The following ACOX3 variants were observed in gnomAD, a reference collection of about 807,000 sequenced individuals.
ACOX3 encodes acyl-CoA oxidase 3, pristanoyl, also known as peroxisomal acyl-coenzyme A oxidase 3.
A neutral mutation model predicts 81.5 loss-of-function variants in ACOX3; 73 were observed. That is an observed-to-expected ratio of 0.90 (90% CI 0.74 to 1.09). The LOEUF (loss-of-function observed/expected upper bound fraction) is 1.09, where lower values mean the gene tolerates loss of function less well. ACOX3 is among the 50% of genes least tolerant of loss of function. The pLI is 0.00. For missense variants in ACOX3, 947 were observed against 928.0 expected (o/e 1.02, Z -0.27); for synonymous variants, 387 against 375.1 (o/e 1.03, Z -0.37).
At chr4:8,403,534 C>T (rs970806916) in intron 7 of ACOX3, among the ~76,000 whole-genome samples, 5 of 152,304 alleles carry the variant, frequency 3.3e-5, no homozygotes, top group Admixed American at 2.6e-4. Context: ...CAGAGAGACA[C>T]GGTGGAAAGG....
intron 11 of ACOX3, 100 bp downstream of exon 11, chr4:8,392,233 G>T: frequency 7.6e-7 from 1 of 1,323,108 alleles, no homozygotes; most frequent in Non-Finnish European, 9.8e-7. Context: ...CAGGTGGCAG[G>T]CTGGATTTGG....
chr4:8,403,566 G>A (rs1438802493), intron 7 of ACOX3, among the ~76,000 whole-genome samples: 1 of 152,200 alleles, frequency 6.6e-6, no homozygotes, highest in Non-Finnish European at 1.5e-5. Flanking sequence ...CAGTGACCTG[G>A]CTTGGTGGAG....
intron 14 of ACOX3, among the ~76,000 whole-genome samples, chr4:8,375,417 G>A (rs190984514): frequency 1.3e-5 from 2 of 152,336 alleles, no homozygotes; most frequent in African/African-American, 2.4e-5. Flanking sequence ...CTCAGCTCCC[G>A]TCTGGGACTG....
At chr4:8,373,414 G>A in intron 16 of ACOX3, 147 bp downstream of exon 16, 7 of 795,682 alleles carry the variant, frequency 8.8e-6, no homozygotes, top group South Asian at 3.3e-5. Context: ...GGTGCGTGTA[G>A]GCTCTGGGTG....
intron 1 of ACOX3, among the ~76,000 whole-genome samples, chr4:8,422,578 T>C (rs1319512328): frequency 6.6e-6 from 1 of 152,246 alleles, no homozygotes; most frequent in Non-Finnish European, 1.5e-5. Context: ...CATTTGCCAC[T>C]ATAGGAATAT....
rs1021961447 is a variant in ACOX3, at chr4:8,384,810, C to T, written c.1538-3203G>A. ...GAAAGCAAGGCCTGGACAGCGGCCC[C>T]AACTCCTCAGCCAGATCACAGGCCC... On this transcript the variant is annotated intron_variant, in intron 13 of 17. Coordinates refer to ENST00000356406, the MANE Select transcript of ACOX3 (RefSeq NM_003501.3). The surrounding 1 kb of genome is among the most constrained non-coding windows in gnomAD (Gnocchi z 5.3). Among the ~76,000 whole-genome samples the T allele has an allele frequency of 6.6e-6, 1 of 152,198 alleles. No individual in the cohort carries two copies. Among genetic ancestry groups the T allele is most frequent in the African/African-American group, 2.4e-5 (1 of 41,446 alleles).
At position 8,416,583 on chromosome 4, in the gene ACOX3, CAAA is replaced by C. The variant is rs1486220633; in HGVS notation, c.-14-51_-14-49del. ...ATCCATGCTCTCCCATCTATGGGTT[CAAA>C]CTACCCCCACCAACAGGAGAGCCCG... On this transcript the variant is annotated intron_variant, in intron 1 of 17. Transcript: ENST00000356406. This position sits in a 1 kb window ranked among gnomAD's most constrained non-coding sequence, Gnocchi z 4.2. 17 of 1,503,930 alleles carry C rather than the reference CAAA, an allele frequency of 1.1e-5. No homozygotes were observed. Among genetic ancestry groups the C allele is most frequent in the Non-Finnish European group, 1.3e-5 (15 of 1,128,424 alleles). 93.2% of individuals were successfully genotyped at this position (1,503,930 alleles called of 1,614,324 possible). A position where few individuals can be genotyped will look rare whatever the true frequency, so the allele number is the denominator to read the frequency against.
intron 14 of ACOX3, among the ~76,000 whole-genome samples, chr4:8,378,411 C>T (rs1485921898): frequency 3.9e-5 from 6 of 152,196 alleles, no homozygotes; most frequent in Non-Finnish European, 8.8e-5. Flanking sequence ...CAAATGTCCT[C>T]GTCCTTGTCC....
rs867489157 is a variant in ACOX3 at position 8,419,565 on chromosome 4, G to A, written c.-14-3030C>T. ...ACCCAGCCATTCTGGAGAACAGTGT[G>A]GCAGTTCCACAAGTGATTAAACATG... On this transcript the variant is annotated intron_variant, in intron 1 of 17. Coordinates refer to ENST00000356406, the MANE Select transcript of ACOX3 (RefSeq NM_003501.3). The surrounding 1 kb of genome is among the most constrained non-coding windows in gnomAD (Gnocchi z 4.2). 1.2e-4 allele frequency among the ~76,000 whole-genome samples: 19 copies of A among 152,318 alleles called. No individual in the cohort carries two copies. The South Asian group carries it at 2.1e-3, about 17-fold the overall frequency.
downstream of ACOX3, among the ~76,000 whole-genome samples, chr4:8,361,370 G>A (rs529247548): frequency 5.5e-4 from 72 of 130,240 alleles, no homozygotes; most frequent in African/African-American, 1.9e-3. Context: ...AGCTCGCAGT[G>A]AGCTGAGATC....
At chr4:8,360,823 A>G in the ACOX3 span, among the ~76,000 whole-genome samples, 2 of 152,184 alleles carry the variant, frequency 1.3e-5, no homozygotes, top group Non-Finnish European at 2.9e-5. Context: ...GATTCTAGAT[A>G]AGGCCAGGGA....
rs148940486 is a variant in ACOX3, at chr4:8,403,131, G to A, written c.776+2824C>T. 3.3e-3 allele frequency among the ~76,000 whole-genome samples: 508 copies of A among 152,298 alleles called. 5 individuals are homozygous for A. Among genetic ancestry groups the A allele is most frequent in the East Asian group, 1.4e-3 (7 of 5,180 alleles). On this transcript the variant is annotated intron_variant, in intron 7 of 17. Transcript: ENST00000356406. Reference sequence around the variant, plus strand: ...GCTAAAATTAATCCACACAATTTACGTTTACCTTGGATTTGTAGGCAGTCA... The same window carrying A: ...GCTAAAATTAATCCACACAATTTACATTTACCTTGGATTTGTAGGCAGTCA...
At chr4:8,387,625 G>T (rs1246347124) in intron 13 of ACOX3, among the ~76,000 whole-genome samples, 3 of 152,330 alleles carry the variant, frequency 2.0e-5, no homozygotes, top group Admixed American at 2.0e-4. Context: ...GGGCTGTGGT[G>T]GGAGGAAGGC....
At chr4:8,356,932 G>A in the ACOX3 span, 1 of 456,304 alleles carries the variant, frequency 2.2e-6, no homozygotes, top group South Asian at 1.6e-5. Context: ...GATCCCAGCA[G>A]GCGAGAAGAA....
chr4:8,414,374 C>T lies in ACOX3; in HGVS notation c.461G>A (p.Gly154Glu). 4.3e-6 allele frequency: 7 copies of T among 1,613,846 alleles called. No individual in the cohort carries two copies. The highest frequency in any genetic ancestry group is 5.9e-6 in the Non-Finnish European group (7 of 1,179,896). Residue 154 changes from glycine to glutamate, a missense_variant, in exon 5 of 18, where the codon GGA becomes GAA. Transcript: ENST00000356406. This position sits in a 1 kb window ranked among gnomAD's most constrained non-coding sequence, Gnocchi z 6.1. ...IQKIFRMEIF[G>E]CFALTELSHG... is the part of the protein sequence containing the mutation. ...GCTTAATTCGGTCAGAGCAAAACAT[C>T]CAAAAATCTAAATGTCAAAGCACAA... is the stretch of plus-strand genomic sequence containing the variant.
intron 8 of ACOX3, among the ~76,000 whole-genome samples, chr4:8,398,277 G>A (rs1157919662): frequency 6.6e-6 from 1 of 152,144 alleles, no homozygotes; most frequent in Non-Finnish European, 1.5e-5. Flanking sequence ...AAGTTCAAGT[G>A]TTTTTTATTC....
At chr4:8,363,230 G>C (rs1715270801), downstream of ACOX3, among the ~76,000 whole-genome samples, 1 of 152,180 alleles carries the variant, frequency 6.6e-6, no homozygotes, top group Admixed American at 6.5e-5. Context: ...GTTCCAACAT[G>C]CCCAGTTCAT....
chr4:8,355,794 T>C, the ACOX3 span: 1 of 152,598 alleles, frequency 6.6e-6, no homozygotes, highest in African/African-American at 2.4e-5. Flanking sequence ...TGTTACAGGT[T>C]TGCTGTGCTT....
intron 13 of ACOX3, among the ~76,000 whole-genome samples, chr4:8,388,707 G>C (rs1039382136): frequency 1.3e-5 from 2 of 152,230 alleles, no homozygotes; most frequent in Admixed American, 6.5e-5. Context: ...CAGGGGCCGA[G>C]TGAAGGAGGT....
Sources: allele counts gnomAD v4.1 joint callset (sites outside exome capture counted in the v4.1 genomes callset), GRCh38; gene constraint gnomAD v4.1.1; non-coding constraint Gnocchi (gnomAD v3.1); transcripts MANE v1.5; gene names NCBI Gene and HGNC (gene_info 2026-07-23, HGNC 2026-07-21).